Variants in IL10RA observed in about 807,000 individuals in gnomAD.
IL10RA encodes the protein interleukin 10 receptor subunit alpha, also known as interleukin-10 receptor subunit alpha.
Under a neutral mutation model 29.6 loss-of-function variants are expected in IL10RA, and 18 were observed. That is an observed-to-expected ratio of 0.61 (90% confidence interval 0.42 to 0.90). IL10RA has a LOEUF of 0.90. Ranked by LOEUF, IL10RA falls within the 40% of genes least tolerant of loss-of-function variation. The pLI, the probability that IL10RA is intolerant of heterozygous loss-of-function variation, is 0.00. For synonymous variants in IL10RA, 292 were observed against 294.1 expected (o/e 0.99, Z 0.07); for missense variants, 634 against 716.6 (o/e 0.88, Z 1.32).
intron 4 of IL10RA, 26 bp downstream of exon 4, chr11:117,993,436 G>T (rs1283219474): frequency 6.2e-7 from 1 of 1,608,050 alleles, no homozygotes; most frequent in African/African-American, 1.3e-5. Context: ...AGGCCCCAGG[G>T]CCAGAACTCC....
rs762437482 is a variant in IL10RA at position 117,999,699 on chromosome 11, G to A, written c.*58G>A. The A allele has an allele frequency of 6.7e-7, 1 of 1,497,464 alleles. No individual in the cohort carries two copies. The highest frequency in any genetic ancestry group is 9.3e-7 in the Non-Finnish European group (1 of 1,078,702). 92.8% of individuals were successfully genotyped at this position (1,497,464 alleles called of 1,614,324 possible). A position where few individuals can be genotyped will look rare whatever the true frequency, so the allele number is the denominator to read the frequency against. ...ATGCCTGCTCCTCTGCCTGGACCAG[G>A]AGGAGGGCCCCTGGGGCAGAAGTTA... is the stretch of plus-strand genomic sequence containing the variant. On this transcript the variant is annotated 3_prime_UTR_variant, in exon 7 of 7. Transcript: ENST00000227752.
At position 117,999,060 on chromosome 11, in the gene IL10RA, A is replaced by G; in HGVS notation, c.1156A>G (p.Thr386Ala). Residue 386 changes from threonine to alanine, a missense_variant, in exon 7 of 7, where the codon ACC (threonine) becomes GCC (alanine). By Grantham distance (58) the Thr-to-Ala change is moderately conservative. Coordinates refer to ENST00000227752, the MANE Select transcript of IL10RA (RefSeq NM_001558.4). ...CAGCCTGAGCCCCAGCACAGGGCCC[A>G]CCTGGGAGCAACAGGTGGGGAGCAA... The part of the protein sequence containing the change: ...EPSLSPSTGP[T>A]WEQQVGSNSR... The G allele has an allele frequency of 6.2e-7, 1 of 1,611,872 alleles. No homozygotes were observed. Among genetic ancestry groups the G allele is most frequent in the Non-Finnish European group, 8.5e-7 (1 of 1,178,170 alleles).
Position 118,000,798 on chromosome 11 carries a change from C to A in IL10RA, c.*1157C>A, listed in dbSNP as rs1164449993. On this transcript the variant is annotated 3_prime_UTR_variant, in exon 7 of 7. Coordinates refer to ENST00000227752, the MANE Select transcript of IL10RA (RefSeq NM_001558.4). ...AATGCAGATACTGTCCGTGGACTAC[C>A]AAGCTGGCTTGTTTCTTATGCCAGA... 14 of 454,158 alleles carry A rather than the reference C, an allele frequency of 3.1e-5. No individual in the cohort carries two copies. The highest frequency in any genetic ancestry group is 5.7e-5 in the Non-Finnish European group (13 of 226,794). The allele number at this position is 454,158 out of a possible 1,614,324, so 28.1% of individuals were successfully genotyped here.
rs1345643855 is a variant in IL10RA, at chr11:118,000,845, T to A, written c.*1204T>A. On this transcript the variant is annotated 3_prime_UTR_variant, in exon 7 of 7. Coordinates refer to ENST00000227752, the MANE Select transcript of IL10RA (RefSeq NM_001558.4). ...CAGAGGCTAACAGATCCAATGGGAG[T>A]CCATGGTGTCATGCCAAGACAGTAT... 1 of 454,060 alleles carries A rather than the reference T, an allele frequency of 2.2e-6. No homozygotes were observed. Among genetic ancestry groups the A allele is most frequent in the Non-Finnish European group, 4.4e-6 (1 of 226,766 alleles). The allele number at this position is 454,060 out of a possible 1,614,324, so 28.1% of individuals were successfully genotyped here.
intron 5 of IL10RA, among the ~76,000 whole-genome samples, chr11:117,994,404 C>A (rs555268357): frequency 6.6e-6 from 1 of 152,274 alleles, no homozygotes; most frequent in South Asian, 2.1e-4. Context: ...GATCTAGGGT[C>A]CTCCCACTGG....
intron 5 of IL10RA, 183 bp downstream of exon 5, chr11:117,994,332 T>G (rs1221483743): frequency 1.7e-6 from 1 of 601,866 alleles, no homozygotes; most frequent in African/African-American, 1.9e-5. Context: ...GAACTGAGGC[T>G]CAGTATTAGC....
In IL10RA at chr11:117,995,618, T is replaced by C. The variant is rs1233938518; in HGVS notation, c.718T>C (p.Phe240Leu). The C allele has an allele frequency of 6.2e-7, 1 of 1,614,206 alleles. No homozygotes were observed. Among genetic ancestry groups the C allele is most frequent in the Admixed American group, 1.7e-5 (1 of 60,034 alleles). Reference sequence around the variant, plus strand: ...CACCGTGACCAACGTCATCATCTTCTTTGCCTTTGTCCTGCTGCTCTCCGG... The same window carrying C: ...CACCGTGACCAACGTCATCATCTTCCTTGCCTTTGTCCTGCTGCTCTCCGG... The part of the protein sequence containing the change: ...YFTVTNVIIF[F>L]AFVLLLSGAL... Residue 240 changes from phenylalanine to leucine, a missense_variant, in exon 6 of 7, where the codon TTT becomes CTT. Physicochemically the swap from Phe to Leu is conservative, Grantham distance 22 (BLOSUM62 0). Transcript: ENST00000227752.
At chr11:117,988,040 G>A (rs1460485220) in intron 1 of IL10RA, 1 of 383,230 alleles carries the variant, frequency 2.6e-6, no homozygotes, top group Non-Finnish European at 5.0e-6. Context: ...GCAGGGACAG[G>A]GATTGGGCAG....
At chr11:117,987,625 A>G (rs974515109) in intron 1 of IL10RA, 1 of 153,910 alleles carries the variant, frequency 6.5e-6, no homozygotes, top group South Asian at 2.0e-4. Flanking sequence ...CATTCTTACA[A>G]AGAAGACAAT....
rs949949977 is a variant in IL10RA, at chr11:117,999,644, C to T, written c.*3C>T. ...CTAGCCTGCAGTCAAGTGAGTGACT[C>T]GGGCTGAGAGGCTGCTTTTGATTTT... On this transcript the variant is annotated 3_prime_UTR_variant, in exon 7 of 7. Coordinates refer to ENST00000227752, the MANE Select transcript of IL10RA (RefSeq NM_001558.4). 2.9e-5 allele frequency: 47 copies of T among 1,612,036 alleles called. No individual in the cohort carries two copies. Among genetic ancestry groups the T allele is most frequent in the Middle Eastern group, 1.6e-4 (1 of 6,084 alleles).
At chr11:117,998,576 A>C in intron 6 of IL10RA, 139 bp from the exon 7 acceptor site, 1 of 770,568 alleles carries the variant, frequency 1.3e-6, no homozygotes, top group Non-Finnish European at 2.2e-6. Flanking sequence ...TCGAAAACAA[A>C]ACAGAATACA....
intron 6 of IL10RA, among the ~76,000 whole-genome samples, chr11:117,998,321 A>G (rs2058069536): frequency 2.0e-5 from 3 of 152,358 alleles, no homozygotes; most frequent in Middle Eastern, 3.4e-3. Context: ...CGGGTTATAT[A>G]TACAAGTCAT....
chr11:117,998,658 T>C, intron 6 of IL10RA, 57 bp from the exon 7 acceptor site: 8 of 1,511,538 alleles, frequency 5.3e-6, no homozygotes, highest in Non-Finnish European at 7.4e-6. Flanking sequence ...CCGGCAGCAC[T>C]GGGATGGGTG....
At chr11:117,986,871 C>T in intron 1 of IL10RA, 2 of 1,387,360 alleles carry the variant, frequency 1.4e-6, no homozygotes, top group Admixed American at 2.1e-5. Flanking sequence ...CTTCTTGTCC[C>T]CTTGGGGAAT....
At chr11:117,986,988 C>A (rs1305059073) in intron 1 of IL10RA, 3 of 508,710 alleles carry the variant, frequency 5.9e-6, no homozygotes, top group Admixed American at 2.5e-5. Flanking sequence ...CCGATCTGAT[C>A]CCCCTTGCTC....
intron 1 of IL10RA, chr11:117,986,805 A>C: frequency 6.6e-7 from 1 of 1,517,146 alleles, no homozygotes; most frequent in Non-Finnish European, 8.8e-7. Context: ...ACCCACTTCT[A>C]GATGAGCCGT....
chr11:117,988,327 G>T, intron 1 of IL10RA, 55 bp from the exon 2 acceptor site: 1 of 1,611,248 alleles, frequency 6.2e-7, no homozygotes. Context: ...GTAAAATTGG[G>T]GTCATCAATG....
In IL10RA at chr11:117,986,416, GAGGCGCGC is replaced by G; in HGVS notation, c.-47_-40del. The G allele has an allele frequency of 6.6e-7, 1 of 1,521,664 alleles. No homozygotes were observed. The highest frequency in any genetic ancestry group is 2.5e-5 in the East Asian group (1 of 40,804). 94.3% of individuals were successfully genotyped at this position (1,521,664 alleles called of 1,614,324 possible). ...GTCAGTCCCAGCCCAAGGGTAGCTG[GAGGCGCGC>G]AGGCCGGCTCCGCTCCGGCCCCGGA... On this transcript the variant is annotated 5_prime_UTR_variant, in exon 1 of 7. Coordinates refer to ENST00000227752, the MANE Select transcript of IL10RA (RefSeq NM_001558.4).
intron 3 of IL10RA, chr11:117,993,007 T>C (rs1279071577): frequency 3.3e-5 from 18 of 547,942 alleles, no homozygotes; most frequent in Non-Finnish European, 5.6e-5. Context: ...TGGGTTTATT[T>C]CTGGGCTGTC....
Sources: allele counts gnomAD v4.1 joint callset (sites outside exome capture counted in the v4.1 genomes callset), GRCh38; gene constraint gnomAD v4.1.1; transcripts MANE v1.5; gene names NCBI Gene and HGNC (gene_info 2026-07-23, HGNC 2026-07-21).